CLMP: variants seen among roughly 807,000 people sequenced by gnomAD.
CLMP encodes the protein CXADR-like membrane protein.
A neutral mutation model predicts 45.2 loss-of-function variants in CLMP; 27 were observed. The ratio of observed to expected loss-of-function variants is 0.60; its 90% CI spans 0.44 to 0.82. The LOEUF (loss-of-function observed/expected upper bound fraction) is 0.82, where lower values mean the gene tolerates loss of function less well. CLMP is among the 40% of genes least tolerant of loss of function. The pLI, the probability that CLMP is intolerant of heterozygous loss-of-function variation, is 0.00. For synonymous variants in CLMP, 167 were observed against 171.4 expected (o/e 0.97, Z 0.20); for missense variants, 403 against 448.4 (o/e 0.90, Z 0.91).
chr11:123,097,425 C>T (rs1329596421), intron 2 of CLMP, among the ~76,000 whole-genome samples: 2 of 152,038 alleles, frequency 1.3e-5, no homozygotes, highest in African/African-American at 4.8e-5. Context: ...GCAACCTCCA[C>T]CTCTGGGGTT....
chr11:123,186,522 T>A (rs116006861), intron 1 of CLMP, among the ~76,000 whole-genome samples: 6,100 of 135,550 alleles, frequency 0.045, 351 homozygotes, highest in African/African-American at 0.15. Flanking sequence ...ATTTGTGAGC[T>A]TTTTTTTTTT....
chr11:123,110,899 T>G (rs1860629637), intron 1 of CLMP, among the ~76,000 whole-genome samples: 1 of 152,080 alleles, frequency 6.6e-6, no homozygotes, highest in Admixed American at 6.6e-5. Flanking sequence ...ATTACTGGAG[T>G]CATTCAAATG....
rs1443972993 is a variant in CLMP at position 123,083,771 on chromosome 11, T to C, written c.465A>G (p.Ser155=). Residue 155 remains serine (S), a synonymous_variant, in exon 4 of 7, where the codon TCA becomes TCG. Transcript: ENST00000448775. ...EGSDLTLQCE[S]SSGTEPIVYY... ...ACACAATGGGCTCTGTGCCAGAGGA[T>C]GACTCACACTGCAAAGTCAGGTCAC... The C allele has an allele frequency of 6.2e-7, 1 of 1,613,946 alleles. No homozygotes were observed. The highest frequency in any genetic ancestry group is 2.2e-5 in the East Asian group (1 of 44,888).
chr11:123,115,110 T>C (rs1343530052), intron 1 of CLMP, among the ~76,000 whole-genome samples: 1 of 152,088 alleles, frequency 6.6e-6, no homozygotes, highest in Non-Finnish European at 1.5e-5. Flanking sequence ...GGTGTGATCA[T>C]AGCTCACTGC....
At chr11:123,123,951 C>T (rs139190308) in intron 1 of CLMP, among the ~76,000 whole-genome samples, 6 of 152,048 alleles carry the variant, frequency 3.9e-5, no homozygotes, top group South Asian at 2.1e-4. Context: ...AAGGCAGGAA[C>T]GAGCTCTGGA....
At chr11:123,129,221 T>C (rs982466803) in intron 1 of CLMP, among the ~76,000 whole-genome samples, 26 of 151,576 alleles carry the variant, frequency 1.7e-4, no homozygotes, top group Non-Finnish European at 3.2e-4. Flanking sequence ...TCCCAGCTAC[T>C]CAGGAGGCTG....
At chr11:123,096,259 C>T (rs1865987934) in intron 2 of CLMP, among the ~76,000 whole-genome samples, 1 of 152,090 alleles carries the variant, frequency 6.6e-6, no homozygotes, top group South Asian at 2.1e-4. Flanking sequence ...GAGTTGGAGG[C>T]ATGAGAATCG....
intron 1 of CLMP, among the ~76,000 whole-genome samples, chr11:123,107,232 A>T (rs765336651): frequency 1.4e-5 from 2 of 143,920 alleles, no homozygotes; most frequent in African/African-American, 2.6e-5. Context: ...GGCTAATGAA[A>T]TTTTTTTTTT....
chr11:123,114,690 C>G (rs562983554), intron 1 of CLMP, among the ~76,000 whole-genome samples: 1 of 151,998 alleles, frequency 6.6e-6, no homozygotes, highest in African/African-American at 2.4e-5. Context: ...ATTTTTAAAA[C>G]CCCCAAATGT....
At chr11:123,117,019 C>T (rs186666243) in intron 1 of CLMP, among the ~76,000 whole-genome samples, 10 of 152,192 alleles carry the variant, frequency 6.6e-5, no homozygotes, top group Admixed American at 5.2e-4. Flanking sequence ...GAGGCCAAGG[C>T]GAGTGGATCA....
chr11:123,129,413 TGA>T (rs1860950470), intron 1 of CLMP, among the ~76,000 whole-genome samples: 1 of 141,626 alleles, frequency 7.1e-6, no homozygotes, highest in Non-Finnish European at 1.5e-5. Flanking sequence ...ATATATCATA[TGA>T]TATATTATAT....
At chr11:123,191,684 C>T (rs776507791) in intron 1 of CLMP, among the ~76,000 whole-genome samples, 1 of 152,252 alleles carries the variant, frequency 6.6e-6, no homozygotes, top group Non-Finnish European at 1.5e-5. Context: ...GGGCTCCTCA[C>T]TATTGGGTTA....
intron 1 of CLMP, among the ~76,000 whole-genome samples, chr11:123,140,311 G>A (rs1197280609): frequency 1.3e-5 from 2 of 152,138 alleles, no homozygotes; most frequent in Non-Finnish European, 2.9e-5. Flanking sequence ...TAGTAGGGGT[G>A]AAAGGTAATT....
At chr11:123,152,838 CT>C (rs1861357562) in intron 1 of CLMP, among the ~76,000 whole-genome samples, 1 of 152,146 alleles carries the variant, frequency 6.6e-6, no homozygotes, top group South Asian at 2.1e-4. Flanking sequence ...ACATTGCCCC[CT>C]GTATCCTTTC....
At chr11:123,190,001 C>CAAAA (rs10594946) in intron 1 of CLMP, among the ~76,000 whole-genome samples, 7 of 129,516 alleles carry the variant, frequency 5.4e-5, no homozygotes, top group East Asian at 2.3e-4. Context: ...GACTCTGTCT[C>CAAAA]AAAAAAAAAA....
chr11:123,074,924 T>C, intron 5 of CLMP, 81 bp from the exon 6 acceptor site: 1 of 1,451,030 alleles, frequency 6.9e-7, no homozygotes, highest in Middle Eastern at 1.8e-4. Context: ...ACATAAGCTC[T>C]GGACAGAATG....
intron 1 of CLMP, among the ~76,000 whole-genome samples, chr11:123,108,631 G>T (rs1860593192): frequency 6.6e-6 from 1 of 152,070 alleles, no homozygotes; most frequent in Non-Finnish European, 1.5e-5. Flanking sequence ...AAAGGAAGAG[G>T]AAGGGAAGTG....
At chr11:123,091,535 C>G (rs1215976666) in intron 2 of CLMP, among the ~76,000 whole-genome samples, 1 of 152,324 alleles carries the variant, frequency 6.6e-6, no homozygotes, top group East Asian at 1.9e-4. Context: ...CAAGACAGGT[C>G]CTGGCACTAG....
rs1441569500 is a variant in CLMP at position 123,150,512 on chromosome 11, GAAGGAAGGAAGGAAGGAAAGAAA to G, written c.28+44378_28+44400del. ...GGAAGGAAGGAAGGAAGGAAGGAAG[GAAGGAAGGAAGGAAGGAAAGAAA>G]CAAGCAAGGAAGGAAGGAAGGAAGG... is the stretch of plus-strand genomic sequence containing the variant. On this transcript the variant is annotated intron_variant, in intron 1 of 6. Transcript: ENST00000448775. Among the ~76,000 whole-genome samples, 8 of 128,262 alleles carry G rather than the reference GAAGGAAGGAAGGAAGGAAAGAAA, an allele frequency of 6.2e-5. No individual in the cohort carries two copies. In the East Asian group the frequency reaches 7.7e-4, roughly 12 times the overall value. 84.1% of individuals were successfully genotyped at this position (128,262 alleles called of 152,430 possible).
Sources: gnomAD v4.1 joint callset for allele counts (sites outside exome capture counted in the v4.1 genomes callset) on GRCh38, gnomAD v4.1.1 for gene constraint, MANE v1.5 for transcripts, NCBI Gene and HGNC (gene_info 2026-07-23, HGNC 2026-07-21) for gene names.